Variants in SLC46A2 observed in about 807,000 individuals in gnomAD.
SLC46A2 encodes the protein thymic stromal co-transporter.
A neutral mutation model predicts 33.1 loss-of-function variants in SLC46A2; 25 were observed. The observed-to-expected ratio is 0.76, with a 90% CI of 0.55 to 1.06. The LOEUF (loss-of-function observed/expected upper bound fraction) is 1.06, where lower values mean the gene tolerates loss of function less well. Among genes scored for constraint, SLC46A2 ranks in the 50% least tolerant of loss-of-function variants. SLC46A2 has a pLI of 0.00. For synonymous variants in SLC46A2, 254 were observed against 275.9 expected, an observed-to-expected ratio of 0.92 and a Z score of 0.79; for missense variants, 622 against 621.7, an observed-to-expected ratio of 1.00 and a Z score of 0.00.
chr9:112,888,248 G>C (rs1588150479), intron 1 of SLC46A2, among the ~76,000 whole-genome samples: 2 of 152,104 alleles, frequency 1.3e-5, no homozygotes, highest in East Asian at 3.8e-4. Flanking sequence ...TCGCACTCCA[G>C]CCTGGGCAAC....
chr9:112,880,080 C>T (rs1841559042), intron 3 of SLC46A2: 2 of 340,388 alleles, frequency 5.9e-6, no homozygotes, highest in Admixed American at 4.3e-5. Context: ...CCTGTAATCC[C>T]AACAGTTTGG....
Position 112,889,876 on chromosome 9 carries a change from T to C in SLC46A2, c.806A>G (p.His269Arg), listed in dbSNP as rs1309169651. ...DQLDQQYAVG[H>R]PPSPGKAKPH... Reference sequence around the variant, plus strand: ...TTTTGCTTTTCCAGGAGATGGAGGGTGCCCCACTGCATACTGTTGGTCCAA... The same window carrying C: ...TTTTGCTTTTCCAGGAGATGGAGGGCGCCCCACTGCATACTGTTGGTCCAA... The change falls in exon 1 of 4, where the codon CAC becomes CGC. Residue 269 changes from histidine to arginine, a missense_variant. Physicochemically the swap from His to Arg is conservative, Grantham distance 29. Coordinates refer to ENST00000374228, the MANE Select transcript of SLC46A2 (RefSeq NM_033051.4). The C allele has an allele frequency of 1.9e-6, 3 of 1,613,982 alleles. No individual in the cohort carries two copies. Among genetic ancestry groups the C allele is most frequent in the Non-Finnish European group, 2.5e-6 (3 of 1,180,032 alleles).
chr9:112,885,998 GA>G (rs1217901111), intron 3 of SLC46A2, among the ~76,000 whole-genome samples: 2 of 152,174 alleles, frequency 1.3e-5, no homozygotes, highest in African/African-American at 4.8e-5. Context: ...GCCCTGTCTG[GA>G]GCTCACACAG....
chr9:112,883,636 G>A (rs1380830446), intron 3 of SLC46A2, among the ~76,000 whole-genome samples: 1 of 151,148 alleles, frequency 6.6e-6, no homozygotes, highest in Admixed American at 6.6e-5. Flanking sequence ...GTGGACTGGA[G>A]AAGACAGGGA....
At chr9:112,880,814 C>G (rs1330302399) in intron 3 of SLC46A2, among the ~76,000 whole-genome samples, 1 of 152,168 alleles carries the variant, frequency 6.6e-6, no homozygotes, top group Non-Finnish European at 1.5e-5. Flanking sequence ...TTTATGGCAT[C>G]AGAATGGAAT....
intron 3 of SLC46A2, among the ~76,000 whole-genome samples, chr9:112,881,882 G>A (rs1394814240): frequency 1.3e-5 from 2 of 152,164 alleles, no homozygotes; most frequent in Admixed American, 1.3e-4. Context: ...ATTGAGAAGG[G>A]TTAGGAAAAT....
At chr9:112,884,708 T>C (rs1395064581) in intron 3 of SLC46A2, among the ~76,000 whole-genome samples, 1 of 152,266 alleles carries the variant, frequency 6.6e-6, no homozygotes, top group African/African-American at 2.4e-5. Flanking sequence ...CTAAGTGCCT[T>C]ACCTGCATAA....
chr9:112,885,393 C>G (rs567135776), intron 3 of SLC46A2: 1 of 151,204 alleles, frequency 6.6e-6, no homozygotes, highest in African/African-American at 2.4e-5. Context: ...AAATCTATAT[C>G]AAATCCTGTG....
chr9:112,887,775 G>A (rs1268219910), intron 1 of SLC46A2, among the ~76,000 whole-genome samples: 2 of 152,204 alleles, frequency 1.3e-5, no homozygotes, highest in Non-Finnish European at 2.9e-5. Flanking sequence ...AGAAGTGTCT[G>A]TCCTTGACAT....
At position 112,890,549 on chromosome 9, in the gene SLC46A2, TCACCACGAGGAGTAGCCCCGCATCGTAGA is replaced by T; in HGVS notation, c.104_132del (p.Leu35GlnfsTer133). 1 of 1,613,694 alleles carries T rather than the reference TCACCACGAGGAGTAGCCCCGCATCGTAGA, an allele frequency of 6.2e-7. No homozygotes were observed. ...GAGCCTCCGGTTCCGTAGGACGCCTTCACCACGAGGAGTAGCCCCGCATCGTAGAGGGAGGCAGCCACCTGGGACGAGGC... is the reference window on the plus strand; with the variant it reads ...GAGCCTCCGGTTCCGTAGGACGCCTTGGGAGGCAGCCACCTGGGACGAGGC... On this transcript the variant is annotated frameshift_variant, in exon 1 of 4. Transcript: ENST00000374228. LOFTEE classifies it high-confidence loss of function. This position sits in a 1 kb window ranked among gnomAD's most constrained non-coding sequence, Gnocchi z 6.0.
Position 112,888,885 on chromosome 9 carries a change from TTG to T in SLC46A2, c.1129+666_1129+667del, listed in dbSNP as rs1420143586. ...TCCACTCCTCCACGTTTTTTTTTTT[TTG>T]TTTGTTTGTTTTTTTTTTTTTGAGA... On this transcript the variant is annotated intron_variant, in intron 1 of 3. Coordinates refer to ENST00000374228, the MANE Select transcript of SLC46A2 (RefSeq NM_033051.4). 2.9e-4 allele frequency among the ~76,000 whole-genome samples: 42 copies of T among 145,658 alleles called. No homozygotes were observed. The East Asian group carries it at 3.3e-3, about 11-fold the overall frequency.
Position 112,886,444 on chromosome 9 carries a change from GCTGCTC to G in SLC46A2, c.1370+10_1370+15del, listed in dbSNP as rs769184656. The G allele has an allele frequency of 6.2e-5, 100 of 1,613,884 alleles. No homozygotes were observed. The highest frequency in any genetic ancestry group is 8.2e-5 in the Non-Finnish European group (97 of 1,179,958). ...CAGGGTCCCAGCCCAAGCAGCAGAT[GCTGCTC>G]CCATCCTACCTAATTGGAATGATGG... On this transcript the variant is annotated intron_variant, in intron 3 of 3. Coordinates refer to ENST00000374228, the MANE Select transcript of SLC46A2 (RefSeq NM_033051.4).
chr9:112,881,607 AAGTC>A (rs1841578168), intron 3 of SLC46A2: 2 of 152,228 alleles, frequency 1.3e-5, no homozygotes, highest in Admixed American at 1.3e-4. Flanking sequence ...TAGTCAGCGT[AAGTC>A]AGCGCTGAGA....
At chr9:112,886,220 G>C (rs2131545361) in intron 3 of SLC46A2, among the ~76,000 whole-genome samples, 1 of 152,362 alleles carries the variant, frequency 6.6e-6, no homozygotes, top group South Asian at 2.1e-4. Flanking sequence ...AACTGCCAAA[G>C]AGTGAGCCAG....
chr9:112,883,529 A>T (rs1355219793), intron 3 of SLC46A2, among the ~76,000 whole-genome samples: 1 of 152,130 alleles, frequency 6.6e-6, no homozygotes, highest in Non-Finnish European at 1.5e-5. Flanking sequence ...TAGTTTAAAA[A>T]TATGAAATAA....
chr9:112,889,142 C>A (rs1354038890), intron 1 of SLC46A2, among the ~76,000 whole-genome samples: 2 of 152,108 alleles, frequency 1.3e-5, no homozygotes, highest in Non-Finnish European at 2.9e-5. Flanking sequence ...CCTCCCACCT[C>A]CCGCCCAAAG....
rs1305687787 is a variant in SLC46A2, at chr9:112,890,631, G to A, written c.51C>T (p.His17=). Reference sequence around the variant, plus strand: ...CCACGGGCTCAACCCAGGTCCTCGGGTGGAAGCGAGGCAGGTGGCCCCTCC... The same window carrying A: ...CCACGGGCTCAACCCAGGTCCTCGGATGGAAGCGAGGCAGGTGGCCCCTCC... ...CPRRGHLPRF[H]PRTWVEPVVA... The change falls in exon 1 of 4, where the codon CAC becomes CAT. Residue 17 remains histidine, a synonymous_variant. Coordinates refer to ENST00000374228, the MANE Select transcript of SLC46A2 (RefSeq NM_033051.4). The surrounding 1 kb of genome is among the most constrained non-coding windows in gnomAD (Gnocchi z 6.0). 6.2e-7 allele frequency: 1 copy of A among 1,603,236 alleles called. No individual in the cohort carries two copies. The highest frequency in any genetic ancestry group is 2.2e-5 in the East Asian group (1 of 44,880).
chr9:112,883,942 G>A (rs769035313), intron 3 of SLC46A2, among the ~76,000 whole-genome samples: 7 of 152,116 alleles, frequency 4.6e-5, no homozygotes, highest in Non-Finnish European at 5.9e-5. Flanking sequence ...TGATCCATCC[G>A]CCTTGGCCTC....
At chr9:112,884,129 A>G (rs1841616401) in intron 3 of SLC46A2, among the ~76,000 whole-genome samples, 1 of 152,224 alleles carries the variant, frequency 6.6e-6, no homozygotes, top group Non-Finnish European at 1.5e-5. Context: ...AAGAGCAAAC[A>G]AGAGAGGGCA....
Sources: gnomAD v4.1 joint callset for allele counts (sites outside exome capture counted in the v4.1 genomes callset) on GRCh38, gnomAD v4.1.1 for gene constraint, Gnocchi (gnomAD v3.1) non-coding constraint, MANE v1.5 for transcripts, NCBI Gene and HGNC (gene_info 2026-07-23, HGNC 2026-07-21) for gene names.